Variants in RFFL observed in about 807,000 individuals in gnomAD.
The protein encoded by RFFL is ring finger and FYVE like domain containing E3 ubiquitin protein ligase, also known as E3 ubiquitin-protein ligase rififylin.
Under a neutral mutation model 40.4 loss-of-function variants are expected in RFFL, and 16 were observed. That is an observed-to-expected ratio of 0.40 (90% CI 0.27 to 0.60). RFFL has a LOEUF of 0.60. Among genes scored for constraint, RFFL ranks in the 20% least tolerant of loss-of-function variants. The probability of loss-of-function intolerance (pLI) is 0.47; values close to 1 mark genes in which losing one functional copy is unlikely to be tolerated. For missense variants in RFFL, 367 were observed against 451.7 expected, an observed-to-expected ratio of 0.81 and a Z score of 1.70; for synonymous variants, 154 against 167.9, an observed-to-expected ratio of 0.92 and a Z score of 0.64.
chr17:35,016,595 A>G lies in RFFL; in HGVS notation c.676-15T>C. On this transcript the variant is annotated splice_polypyrimidine_tract_variant and intron_variant, in intron 4 of 6. Coordinates refer to ENST00000394597, the MANE Select transcript of RFFL (RefSeq NM_001017368.2). ...GAGTCAATAGACTGCAATGACAAAG[A>G]TGAGATCAGTGTGCTCAGCTCTTAC... 1 of 1,606,074 alleles carries G rather than the reference A, an allele frequency of 6.2e-7. No homozygotes were observed. Among genetic ancestry groups the G allele is most frequent in the Non-Finnish European group, 8.5e-7 (1 of 1,172,796 alleles).
chr17:35,017,404 A>G, intron 4 of RFFL, 119 bp downstream of exon 4: 2 of 696,830 alleles, frequency 2.9e-6, no homozygotes, highest in Middle Eastern at 2.4e-4. Context: ...CCAAAAATAT[A>G]ATTTCGGAAG....
At chr17:35,014,431 G>A (rs2090960582) in intron 6 of RFFL, among the ~76,000 whole-genome samples, 1 of 152,172 alleles carries the variant, frequency 6.6e-6, no homozygotes, top group South Asian at 2.1e-4. Context: ...AAAATGAGCT[G>A]AGTGTGATAC....
chr17:35,082,304 G>A (rs968808204), intron 1 of RFFL, among the ~76,000 whole-genome samples: 1 of 152,140 alleles, frequency 6.6e-6, no homozygotes, highest in East Asian at 1.9e-4. Flanking sequence ...AAGAAACGAA[G>A]ACCAAAAGGG....
Position 35,014,759 on chromosome 17 carries a change from A to T in RFFL, c.891T>A (p.Ser297Arg), listed in dbSNP as rs1240953396. Residue 297 changes from serine to arginine, a missense_variant, in exon 6 of 7, where the codon AGT becomes AGA. Physicochemically the swap from Ser to Arg is moderately radical, Grantham distance 110. Coordinates refer to ENST00000394597, the MANE Select transcript of RFFL (RefSeq NM_001017368.2). ...KDQKGLQHLVSGAEDQNGGAV... is the reference protein window; with the variant it reads ...KDQKGLQHLVRGAEDQNGGAV... ...ACATACCGTTTTGGTCTTCGGCACCACTGACTGAAAAGGAAAGAGAAGGAT... is the reference window on the plus strand; with the variant it reads ...ACATACCGTTTTGGTCTTCGGCACCTCTGACTGAAAAGGAAAGAGAAGGAT... The T allele has an allele frequency of 4.3e-6, 7 of 1,613,722 alleles. 1 individual carries two copies. The African/African-American group carries it at 5.3e-5, about 12-fold the overall frequency.
intron 1 of RFFL, among the ~76,000 whole-genome samples, chr17:35,055,764 A>T (rs183115786): frequency 2.3e-4 from 35 of 152,060 alleles, no homozygotes; most frequent in Middle Eastern, 3.4e-3. Flanking sequence ...ACACAGCGCT[A>T]GATACTGACC....
intron 1 of RFFL, among the ~76,000 whole-genome samples, chr17:35,027,216 C>T (rs1286250759): frequency 1.3e-5 from 2 of 152,164 alleles, no homozygotes; most frequent in Non-Finnish European, 1.5e-5. Flanking sequence ...TACATTTGTA[C>T]CCCCAATCCT....
chr17:35,020,016 C>A (rs1357634298), intron 3 of RFFL, among the ~76,000 whole-genome samples: 3 of 152,188 alleles, frequency 2.0e-5, no homozygotes, highest in Admixed American at 1.3e-4. Flanking sequence ...GTGTGGGAAC[C>A]AACAGCACTA....
chr17:35,051,789 TA>T (rs1401179485), intron 1 of RFFL, among the ~76,000 whole-genome samples: 1 of 152,210 alleles, frequency 6.6e-6, no homozygotes, highest in Non-Finnish European at 1.5e-5. Context: ...CTGAGACAGT[TA>T]AACAGCCCTT....
chr17:35,073,563 G>T (rs1379066556), intron 1 of RFFL, among the ~76,000 whole-genome samples: 2 of 152,162 alleles, frequency 1.3e-5, no homozygotes, highest in Non-Finnish European at 2.9e-5. Flanking sequence ...TTCATATGTA[G>T]TGAAGGCAGA....
At chr17:35,043,060 C>T (rs1018206755) in intron 1 of RFFL, among the ~76,000 whole-genome samples, 1 of 152,094 alleles carries the variant, frequency 6.6e-6, no homozygotes, top group Non-Finnish European at 1.5e-5. Flanking sequence ...CCAAGGCAGT[C>T]CTTTGGATAT....
chr17:35,029,690 T>A (rs1946413142), intron 1 of RFFL, among the ~76,000 whole-genome samples: 1 of 151,534 alleles, frequency 6.6e-6, no homozygotes, highest in South Asian at 2.1e-4. Flanking sequence ...GCTAATTTTT[T>A]ATTTTTTTTT....
chr17:35,084,895 G>A (rs984823496), intron 1 of RFFL, among the ~76,000 whole-genome samples: 47 of 151,834 alleles, frequency 3.1e-4, no homozygotes, highest in Non-Finnish European at 2.9e-5. Flanking sequence ...ACTCCAGCCT[G>A]GGTGACAGAG....
At chr17:35,044,784 T>C (rs1029951519) in intron 1 of RFFL, among the ~76,000 whole-genome samples, 2 of 152,130 alleles carry the variant, frequency 1.3e-5, no homozygotes, top group Non-Finnish European at 2.9e-5. Flanking sequence ...AGCTATTCTC[T>C]CAGCCTGGAG....
intron 1 of RFFL, among the ~76,000 whole-genome samples, chr17:35,042,840 A>AAAG (rs2091175320): frequency 6.6e-6 from 1 of 150,972 alleles, no homozygotes; most frequent in African/African-American, 2.4e-5. Context: ...AAAAAAAAAA[A>AAAG]AAAAGAAAAG....
At chr17:35,038,384 TGC>T (rs1462862306) in intron 1 of RFFL, among the ~76,000 whole-genome samples, 2 of 152,014 alleles carry the variant, frequency 1.3e-5, no homozygotes, top group African/African-American at 2.4e-5. Flanking sequence ...TGTGTGTGTG[TGC>T]GCGCGCGTGC....
intron 2 of RFFL, among the ~76,000 whole-genome samples, chr17:35,022,036 CTTACT>C (rs993006970): frequency 2.6e-5 from 4 of 152,204 alleles, no homozygotes; most frequent in Non-Finnish European, 5.9e-5. Context: ...TAATTTGAGG[CTTACT>C]TTATTTACTC....
chr17:35,014,042 C>T (rs1235781829), intron 6 of RFFL, among the ~76,000 whole-genome samples: 1 of 152,188 alleles, frequency 6.6e-6, no homozygotes, highest in Non-Finnish European at 1.5e-5. Context: ...TCCAACACTA[C>T]TCTTAGAACG....
rs574757751 is a variant in RFFL, at chr17:35,057,620, T to C, written c.-9+5956A>G. 3.8e-4 allele frequency among the ~76,000 whole-genome samples: 57 copies of C among 149,974 alleles called. No individual in the cohort carries two copies. The South Asian group carries it at 0.011, about 30-fold the overall frequency. On this transcript the variant is annotated intron_variant, in intron 1 of 6. Transcript: ENST00000394597. Reference sequence around the variant, plus strand: ...GAATCAATCTCACCCTTCAGATCAGTGCTTCATTTCTAAATGCCTGCTAAA... The same window carrying C: ...GAATCAATCTCACCCTTCAGATCAGCGCTTCATTTCTAAATGCCTGCTAAA...
intron 1 of RFFL, among the ~76,000 whole-genome samples, chr17:35,035,679 C>T (rs538798992): frequency 6.7e-6 from 1 of 148,734 alleles, no homozygotes; most frequent in African/African-American, 2.4e-5. Flanking sequence ...ATATATTTTA[C>T]TCCATATATA....
Sources: gnomAD v4.1 joint callset for allele counts (sites outside exome capture counted in the v4.1 genomes callset) on GRCh38, gnomAD v4.1.1 for gene constraint, MANE v1.5 for transcripts, NCBI Gene and HGNC (gene_info 2026-07-23, HGNC 2026-07-21) for gene names.